CERS1: variants seen among roughly 807,000 people sequenced by gnomAD.
CERS1 encodes Embryonic growth/differentiation factor 1.
In CERS1, 16 loss-of-function variants were observed where a neutral mutation model predicts 35.7. The ratio of observed to expected loss-of-function variants is 0.45; its 90% CI spans 0.30 to 0.68. The LOEUF (loss-of-function observed/expected upper bound fraction) is 0.68. Ranked by LOEUF, CERS1 falls within the 30% of genes least tolerant of loss-of-function variation. CERS1 has a pLI of 0.08. For synonymous variants in CERS1, 243 were observed against 201.6 expected, an observed-to-expected ratio of 1.21 and a Z score of -1.74; for missense variants, 454 against 453.9, an observed-to-expected ratio of 1.00 and a Z score of 0.00.
In CERS1 at chr19:18,878,660, C is replaced by A; in HGVS notation, c.1010+270G>T. Reference sequence around the variant, plus strand: ...ACTCCCGCCACACCAGCCACTAGGCCTGGCCCTCAGTGTCCCTACCGCTGA... The same window carrying A: ...ACTCCCGCCACACCAGCCACTAGGCATGGCCCTCAGTGTCCCTACCGCTGA... On this transcript the variant is annotated intron_variant, in intron 6 of 7. Coordinates refer to ENST00000623882, the MANE Select transcript of CERS1 (RefSeq NM_021267.5). This position sits in a 1 kb window ranked among gnomAD's most constrained non-coding sequence, Gnocchi z 4.6. 1 of 1,283,344 alleles carries A rather than the reference C, an allele frequency of 7.8e-7. No individual in the cohort carries two copies. The highest frequency in any genetic ancestry group is 9.9e-7 in the Non-Finnish European group (1 of 1,006,538). 79.5% of individuals were successfully genotyped at this position (1,283,344 alleles called of 1,614,324 possible). A position where few individuals can be genotyped will look rare whatever the true frequency, so the allele number is the denominator to read the frequency against.
chr19:18,872,657 A>G (rs748738859), intron 6 of CERS1, among the ~76,000 whole-genome samples: 3 of 151,094 alleles, frequency 2.0e-5, no homozygotes, highest in Admixed American at 6.6e-5. Context: ...CTGGGATTAC[A>G]GGCGCCTGCC....
In CERS1 at chr19:18,895,863, C is replaced by T. The variant is rs1382028402; in HGVS notation, c.210G>A (p.Trp70Ter). 5.4e-6 allele frequency: 7 copies of T among 1,294,608 alleles called. No homozygotes were observed. The highest frequency in any genetic ancestry group is 6.8e-6 in the Non-Finnish European group (7 of 1,021,914). The allele number at this position is 1,294,608 out of a possible 1,614,324, so 80.2% of individuals were successfully genotyped here. Residue 70 changes from tryptophan (W) to a stop codon, truncating the protein, a stop_gained, in exon 1 of 8, where the codon TGG (tryptophan) becomes TGA (stop). Transcript: ENST00000623882. LOFTEE classifies it high-confidence loss of function. The surrounding 1 kb of genome is among the most constrained non-coding windows in gnomAD (Gnocchi z 6.4). ...LLLLALGALGWTALRSAATAR... is the reference protein window; with the variant it reads ...LLLLALGALG ...CAGTGGCCGCGGAGCGCAGGGCGGT[C>T]CAGCCCAGCGCGCCGAGCGCCAGCA...
In CERS1 at chr19:18,870,151, G is replaced by A. The variant is rs368516114; in HGVS notation, c.*426C>T. On this transcript the variant is annotated 3_prime_UTR_variant, in exon 7 of 8. Coordinates refer to ENST00000623882, the MANE Select transcript of CERS1 (RefSeq NM_021267.5). The surrounding 1 kb of genome is among the most constrained non-coding windows in gnomAD (Gnocchi z 5.1). ...ACCGGGGGAACCGGCCGGAGCCTGG[G>A]GGCACCCTGGGGCTCATCGCGCAGT... 63 of 1,559,772 alleles carry A rather than the reference G, an allele frequency of 4.0e-5. No individual in the cohort carries two copies. The African/African-American group carries it at 6.3e-4, about 16-fold the overall frequency.
chr19:18,884,037 ACT>A (rs1401048777), intron 3 of CERS1, 48 bp downstream of exon 3: 2 of 1,574,756 alleles, frequency 1.3e-6, no homozygotes, highest in Admixed American at 1.8e-5. Flanking sequence ...CAGCCTCCGC[ACT>A]CTGTGTGGGC....
Position 18,893,410 on chromosome 19 carries a change from C to T in CERS1, c.409+6G>A, listed in dbSNP as rs1221666397. On this transcript the variant is annotated splice_donor_region_variant and intron_variant, in intron 2 of 7. Transcript: ENST00000623882. ...GCCCTCCCGGCCATCCCCTCAGGGC[C>T]CCTACCGTAGAAGACAGATGGTGGG... 4 of 1,599,252 alleles carry T rather than the reference C, an allele frequency of 2.5e-6. No individual in the cohort carries two copies. In the Admixed American group the frequency reaches 5.2e-5, roughly 21 times the overall value.
chr19:18,896,928 G>GT (rs1004614890), upstream of CERS1, among the ~76,000 whole-genome samples: 3 of 152,116 alleles, frequency 2.0e-5, no homozygotes, highest in East Asian at 3.9e-4. The surrounding 1 kb of genome is among the most constrained non-coding windows in gnomAD (Gnocchi z 5.9). Context: ...GGAACCCGGG[G>GT]GGGGGGCTCC....
At chr19:18,869,903 G>T in intron 7 of CERS1, 80 bp downstream of exon 7, 1 of 1,397,850 alleles carries the variant, frequency 7.2e-7, no homozygotes, top group Non-Finnish European at 9.8e-7. Context: ...AGCTGCTCGG[G>T]CATCCCCGGG....
chr19:18,895,874 C>G lies in CERS1; in HGVS notation c.199G>C (p.Ala67Pro), dbSNP rs1350677632. 7.8e-7 allele frequency: 1 copy of G among 1,284,582 alleles called. No individual in the cohort carries two copies. The highest frequency in any genetic ancestry group is 9.8e-7 in the Non-Finnish European group (1 of 1,016,842). 79.6% of individuals were successfully genotyped at this position (1,284,582 alleles called of 1,614,324 possible). The change falls in exon 1 of 8, where the codon GCG becomes CCG. Residue 67 changes from alanine (A) to proline (P), a missense_variant. Physicochemically the swap from Ala to Pro is conservative, Grantham distance 27 (BLOSUM62 -1). Transcript: ENST00000623882. The surrounding 1 kb of genome is among the most constrained non-coding windows in gnomAD (Gnocchi z 6.4). ...GAGCGCAGGGCGGTCCAGCCCAGCG[C>G]GCCGAGCGCCAGCAGCAGCAGCTCG... ...PPELLLLALG[A>P]LGWTALRSAA... is the part of the protein sequence containing the mutation.
chr19:18,894,275 C>T (rs928071290), intron 1 of CERS1, among the ~76,000 whole-genome samples: 1 of 151,838 alleles, frequency 6.6e-6, no homozygotes, highest in Non-Finnish European at 1.5e-5. Context: ...GGGCGCGGCT[C>T]CAGAGCTGCC....
Position 18,869,046 on chromosome 19 carries a change from G to A in CERS1, c.*939C>T. The stretch of plus-strand genomic sequence containing the variant: ...TCGGCCAGGCGCGCGCAGGCGGCAG[G>A]GGCCCGGGGGCGTAGCGCCAGCGCC... On this transcript the variant is annotated 3_prime_UTR_variant, in exon 8 of 8. Transcript: ENST00000623882. 1 of 1,065,626 alleles carries A rather than the reference G, an allele frequency of 9.4e-7. No homozygotes were observed. The highest frequency in any genetic ancestry group is 1.1e-6 in the Non-Finnish European group (1 of 882,798). 66.0% of individuals were successfully genotyped at this position (1,065,626 alleles called of 1,614,324 possible).
chr19:18,879,287 T>C lies in CERS1; in HGVS notation c.854A>G (p.Asn285Ser). The C allele has an allele frequency of 6.2e-7, 1 of 1,613,204 alleles. No individual in the cohort carries two copies. The highest frequency in any genetic ancestry group is 8.5e-7 in the Non-Finnish European group (1 of 1,179,630). ...AAGGGTGAGCAGCAGCAGGAGCGCA[T>C]TGAAGAAGAAGTAGAAGGGGATGTC... Reference protein sequence around the residue: ...VPDIPFYFFFNALLLLLTLMN... With the variant: ...VPDIPFYFFFSALLLLLTLMN... The change falls in exon 5 of 8, where the codon AAT becomes AGT. Residue 285 changes from asparagine (N) to serine (S), a missense_variant. Coordinates refer to ENST00000623882, the MANE Select transcript of CERS1 (RefSeq NM_021267.5).
At chr19:18,881,139 A>T (rs2056195332) in intron 3 of CERS1, among the ~76,000 whole-genome samples, 1 of 151,608 alleles carries the variant, frequency 6.6e-6, no homozygotes, top group African/African-American at 2.4e-5. Context: ...CCATGATGAG[A>T]CTTCCAGGTC....
intron 6 of CERS1, among the ~76,000 whole-genome samples, chr19:18,872,429 C>T (rs2055987739): frequency 6.6e-6 from 1 of 152,126 alleles, no homozygotes; most frequent in African/African-American, 2.4e-5. Context: ...CTCACTGCAA[C>T]CTCTGCCTCC....
intron 6 of CERS1, among the ~76,000 whole-genome samples, chr19:18,871,147 T>A (rs1212083268): frequency 6.7e-6 from 1 of 149,874 alleles, no homozygotes. Context: ...TGGCACAACC[T>A]CCAAGGCTCA....
Position 18,888,723 on chromosome 19 carries a change from C to T in CERS1, c.410-4456G>A, listed in dbSNP as rs558184568. Among the ~76,000 whole-genome samples the T allele has an allele frequency of 2.9e-3, 403 of 139,780 alleles. No homozygotes were observed. The Middle Eastern group carries it at 0.033, about 11-fold the overall frequency. 91.7% of individuals were successfully genotyped at this position (139,780 alleles called of 152,430 possible). On this transcript the variant is annotated intron_variant, in intron 2 of 7. Coordinates refer to ENST00000623882, the MANE Select transcript of CERS1 (RefSeq NM_021267.5). ...TACATGCCTGTGATCCCAGCTACTCCGGAGGCTGAGGCAGGAGAATTGCTT... is the reference window on the plus strand; with the variant it reads ...TACATGCCTGTGATCCCAGCTACTCTGGAGGCTGAGGCAGGAGAATTGCTT...
chr19:18,869,729 G>A (rs2055929623), intron 7 of CERS1, among the ~76,000 whole-genome samples: 1 of 151,770 alleles, frequency 6.6e-6, no homozygotes, highest in Non-Finnish European at 1.5e-5. Flanking sequence ...GTCAAGAGGT[G>A]GGGGTGGGCA....
In CERS1 at chr19:18,870,254, G is replaced by A. The variant is rs1420961005; in HGVS notation, c.*323C>T. On this transcript the variant is annotated 3_prime_UTR_variant, in exon 7 of 8. Transcript: ENST00000623882. The surrounding 1 kb of genome is among the most constrained non-coding windows in gnomAD (Gnocchi z 5.1). ...TCAGGGGCAGCGAGGGCAGCAGCAG[G>A]GCCAGGAGGAGGAGGAGGTGGTGGC... 1.3e-6 allele frequency: 2 copies of A among 1,551,588 alleles called. No individual in the cohort carries two copies. Among genetic ancestry groups the A allele is most frequent in the East Asian group, 4.7e-5 (2 of 42,132 alleles).
At chr19:18,872,335 G>GTTATC (rs2055985394) in intron 6 of CERS1, among the ~76,000 whole-genome samples, 1 of 152,068 alleles carries the variant, frequency 6.6e-6, no homozygotes, top group South Asian at 2.1e-4. Flanking sequence ...GCTTTTCTCT[G>GTTATC]TTATCTTTTT....
chr19:18,868,558 G>A lies in CERS1; in HGVS notation c.*1427C>T, dbSNP rs2055894575. 4 of 1,466,498 alleles carry A rather than the reference G, an allele frequency of 2.7e-6. No individual in the cohort carries two copies. The highest frequency in any genetic ancestry group is 1.2e-5 in the South Asian group (1 of 82,434). The allele number at this position is 1,466,498 out of a possible 1,614,324, so 90.8% of individuals were successfully genotyped here. The stretch of plus-strand genomic sequence containing the variant: ...AGGAGACCAGCGGAGCAGACCACGC[G>A]GCATTTATTGTTGGGCCCGCGTCCC... On this transcript the variant is annotated 3_prime_UTR_variant, in exon 8 of 8. Coordinates refer to ENST00000623882, the MANE Select transcript of CERS1 (RefSeq NM_021267.5).
Sources: gnomAD v4.1 joint callset for allele counts (sites outside exome capture counted in the v4.1 genomes callset) on GRCh38, gnomAD v4.1.1 for gene constraint, Gnocchi (gnomAD v3.1) non-coding constraint, MANE v1.5 for transcripts, NCBI Gene and HGNC (gene_info 2026-07-23, HGNC 2026-07-21) for gene names.